Variants in ITPR1 observed in about 807,000 individuals in gnomAD.
The protein encoded by ITPR1 is inositol 1,4,5-trisphosphate receptor type 1, also known as inositol 1,4,5-trisphosphate-gated calcium channel ITPR1.
A neutral mutation model predicts 318.4 loss-of-function variants in ITPR1; 96 were observed. That is an observed-to-expected ratio of 0.30 (90% CI 0.26 to 0.36). The LOEUF is 0.36. ITPR1 is among the 10% of genes least tolerant of loss of function. The probability of loss-of-function intolerance (pLI) is 1.00; values close to 1 mark genes in which losing one functional copy is unlikely to be tolerated. For synonymous variants in ITPR1, 1,312 were observed against 1,289.9 expected (o/e 1.02, Z -0.37); for missense variants, 2,440 against 3,460.2 (o/e 0.71, Z 7.40).
In ITPR1 at chr3:4,736,208, G is replaced by T. The variant is rs557443969; in HGVS notation, c.5544+854G>T. 6.6e-5 allele frequency among the ~76,000 whole-genome samples: 10 copies of T among 151,422 alleles called. 1 individual carries two copies. The South Asian group carries it at 2.1e-3, about 32-fold the overall frequency. On this transcript the variant is annotated intron_variant, in intron 44 of 61. Coordinates refer to ENST00000649015, the MANE Select transcript of ITPR1 (RefSeq NM_001378452.1). Reference sequence around the variant, plus strand: ...ACACATACACACACACATATGTTTTGATAAAAGCTTTATTGAGATATAATC... The same window carrying T: ...ACACATACACACACACATATGTTTTTATAAAAGCTTTATTGAGATATAATC...
At chr3:4,585,447 T>C (rs1000924915) in intron 4 of ITPR1, among the ~76,000 whole-genome samples, 1 of 152,120 alleles carries the variant, frequency 6.6e-6, no homozygotes, top group Non-Finnish European at 1.5e-5. Context: ...ATCTTATTTA[T>C]TTATTTTGAG....
chr3:4,768,392 G>A (rs2045955617), intron 45 of ITPR1, 119 bp from the exon 46 acceptor site: 7 of 1,204,584 alleles, frequency 5.8e-6, no homozygotes, highest in Non-Finnish European at 7.9e-6. Flanking sequence ...TGAGTGTTTT[G>A]CCAACTTTGA....
intron 52 of ITPR1, among the ~76,000 whole-genome samples, chr3:4,792,680 A>C (rs902872279): frequency 3.3e-5 from 5 of 152,216 alleles, no homozygotes; most frequent in African/African-American, 1.2e-4. Context: ...TCCTCAGAGC[A>C]AATTATTGAT....
At chr3:4,598,816 G>A (rs934613861) in intron 4 of ITPR1, among the ~76,000 whole-genome samples, 25 of 152,104 alleles carry the variant, frequency 1.6e-4, no homozygotes, top group African/African-American at 5.8e-4. Flanking sequence ...CAATTCAGGT[G>A]CAATTTTATG....
intron 30 of ITPR1, among the ~76,000 whole-genome samples, chr3:4,687,112 G>A (rs149967426): frequency 3.9e-4 from 59 of 152,296 alleles, no homozygotes; most frequent in Middle Eastern, 3.4e-3. Context: ...GGCATGGGCC[G>A]AATCTAATCC....
At chr3:4,690,016 C>T (rs570203881) in intron 31 of ITPR1, among the ~76,000 whole-genome samples, 1 of 152,220 alleles carries the variant, frequency 6.6e-6, no homozygotes, top group East Asian at 1.9e-4. Context: ...GTGGCTCACG[C>T]CTGTAATCCC....
chr3:4,531,623 G>A (rs2083422493), intron 4 of ITPR1, among the ~76,000 whole-genome samples: 1 of 152,150 alleles, frequency 6.6e-6, no homozygotes, highest in Admixed American at 6.5e-5. Flanking sequence ...AACTCCTCCA[G>A]GTTCTCTGCT....
At chr3:4,500,769 T>TA (rs2080959910) in intron 2 of ITPR1, among the ~76,000 whole-genome samples, 1 of 152,224 alleles carries the variant, frequency 6.6e-6, no homozygotes, top group African/African-American at 2.4e-5. Flanking sequence ...GCAGGAATGT[T>TA]ACTCTTGTTC....
At chr3:4,523,867 T>C (rs1044296943) in intron 4 of ITPR1, among the ~76,000 whole-genome samples, 6 of 152,164 alleles carry the variant, frequency 3.9e-5, no homozygotes, top group African/African-American at 1.4e-4. Flanking sequence ...TGGATGTATG[T>C]ATGGTGGCTG....
At position 4,813,160 on chromosome 3, in the gene ITPR1, C is replaced by T. The variant is rs2049049769; in HGVS notation, c.7487C>T (p.Ala2496Val). ...TAVPETGESL[A>V]SEFLFSDVCR... is the part of the protein sequence containing the mutation. ...CTCCCAGAAACCGGCGAGAGTTTGG[C>T]AAGCGAGTTCCTGTTCTCCGATGTG... is the stretch of plus-strand genomic sequence containing the variant. The change falls in exon 57 of 62, where the codon GCA (alanine) becomes GTA (valine). Residue 2496 changes from alanine to valine, a missense_variant. Physicochemically the swap from Ala to Val is moderately conservative, Grantham distance 64. Around this residue, in one of 23 missense-constraint regions of ITPR1, gnomAD observed 88 missense variants for 90.5 expected, o/e 0.97. Coordinates refer to ENST00000649015, the MANE Select transcript of ITPR1 (RefSeq NM_001378452.1). The T allele has an allele frequency of 1.9e-6, 3 of 1,613,814 alleles. No homozygotes were observed. In the African/African-American group the frequency reaches 4.0e-5, roughly 22 times the overall value.
intron 18 of ITPR1, among the ~76,000 whole-genome samples, chr3:4,668,514 C>A (rs1044796300): frequency 1.3e-5 from 2 of 151,978 alleles, no homozygotes; most frequent in Non-Finnish European, 2.9e-5. Flanking sequence ...GTCACCCAGG[C>A]TGGAGGGCAG....
intron 55 of ITPR1, among the ~76,000 whole-genome samples, chr3:4,809,256 C>T (rs1456607518): frequency 2.0e-5 from 3 of 152,010 alleles, no homozygotes; most frequent in Non-Finnish European, 2.9e-5. Context: ...AAAAATTCGC[C>T]GAAAAGGAAT....
At chr3:4,713,731 A>G (rs17041280) in intron 39 of ITPR1, among the ~76,000 whole-genome samples, 2,665 of 152,360 alleles carry the variant, frequency 0.017, 79 homozygotes, top group African/African-American at 0.061. Flanking sequence ...ACAGTTTTGT[A>G]GAGGTTCCTG....
chr3:4,672,056 T>C (rs2094098454), intron 20 of ITPR1, among the ~76,000 whole-genome samples: 1 of 152,246 alleles, frequency 6.6e-6, no homozygotes, highest in Non-Finnish European at 1.5e-5. Context: ...ATATTCTGTT[T>C]TATTGATTTA....
chr3:4,595,754 C>T (rs1162285981), intron 4 of ITPR1, among the ~76,000 whole-genome samples: 1 of 152,046 alleles, frequency 6.6e-6, no homozygotes, highest in African/African-American at 2.4e-5. Flanking sequence ...GGTCGCATGG[C>T]ACCAAGACTG....
intron 4 of ITPR1, among the ~76,000 whole-genome samples, chr3:4,540,214 G>A (rs2084302862): frequency 6.6e-6 from 1 of 151,992 alleles, no homozygotes; most frequent in African/African-American, 2.4e-5. Flanking sequence ...ACTTTCTGGT[G>A]AACTAAATAT....
intron 2 of ITPR1, among the ~76,000 whole-genome samples, chr3:4,510,227 G>GA (rs1199190826): frequency 2.6e-5 from 4 of 151,806 alleles, no homozygotes; most frequent in South Asian, 2.1e-4. Context: ...GGGGGCCCTG[G>GA]AAAAAAAATC....
intron 4 of ITPR1, among the ~76,000 whole-genome samples, chr3:4,593,041 G>A (rs1303052791): frequency 6.6e-6 from 1 of 152,238 alleles, no homozygotes; most frequent in Non-Finnish European, 1.5e-5. Context: ...CCAGCTGTGT[G>A]CTAGAGGAGA....
rs10665371 is a variant in ITPR1 at position 4,681,624 on chromosome 3, A to AGTGTGTGTGTGTGTGTGTGTGTGTGT, written c.3161+215_3161+240dup. 3.8e-4 allele frequency among the ~76,000 whole-genome samples: 56 copies of AGTGTGTGTGTGTGTGTGTGTGTGTGT among 145,894 alleles called. 1 individual carries two copies. The highest frequency in any genetic ancestry group is 1.4e-3 in the African/African-American group (56 of 39,398). On this transcript the variant is annotated intron_variant, in intron 26 of 61. Coordinates refer to ENST00000649015, the MANE Select transcript of ITPR1 (RefSeq NM_001378452.1). ...GAGAGTGAGAGAGAGAGAGAGAGAA[A>AGTGTGTGTGTGTGTGTGTGTGTGTGT]GTGTGTGTGTGTGTGTGTGTGTGTG...
Sources: gnomAD v4.1 joint callset for allele counts (sites outside exome capture counted in the v4.1 genomes callset) on GRCh38, gnomAD v4.1.1 for gene constraint, gnomAD v4.1.1 regional missense constraint, MANE v1.5 for transcripts, NCBI Gene and HGNC (gene_info 2026-07-23, HGNC 2026-07-21) for gene names.